FOXP2: variants seen among roughly 807,000 people sequenced by gnomAD.
The protein encoded by FOXP2 is forkhead box protein P2.
Under a neutral mutation model 115.8 loss-of-function variants are expected in FOXP2, and 12 were observed. That is an observed-to-expected ratio of 0.10 (90% CI 0.07 to 0.17). FOXP2 has a LOEUF of 0.17. Ranked by LOEUF, FOXP2 falls within the 10% of genes least tolerant of loss-of-function variation. FOXP2 has a pLI of 1.00. For missense variants in FOXP2, 629 were observed against 843.5 expected (o/e 0.75, Z 3.15); for synonymous variants, 328 against 297.7 (o/e 1.10, Z -1.05).
intron 2 of FOXP2, among the ~76,000 whole-genome samples, chr7:114,302,007 G>T (rs2129178455): frequency 6.6e-6 from 1 of 152,250 alleles, no homozygotes; most frequent in Middle Eastern, 3.4e-3. Context: ...AAGCAGAAAT[G>T]ATTAAAGATA....
At chr7:114,239,896 C>G (rs1795108588) in intron 1 of FOXP2, among the ~76,000 whole-genome samples, 1 of 152,082 alleles carries the variant, frequency 6.6e-6, no homozygotes, top group Non-Finnish European at 1.5e-5. Flanking sequence ...TTATGTCAAA[C>G]TTTTTATGTC....
chr7:114,402,937 T>C (rs1281019788), intron 2 of FOXP2, among the ~76,000 whole-genome samples: 1 of 152,102 alleles, frequency 6.6e-6, no homozygotes, highest in Non-Finnish European at 1.5e-5. Flanking sequence ...GGAGCTACCA[T>C]GCCCGACCAC....
At chr7:114,191,533 A>T (rs1274211715) in intron 1 of FOXP2, among the ~76,000 whole-genome samples, 1 of 152,212 alleles carries the variant, frequency 6.6e-6, no homozygotes, top group African/African-American at 2.4e-5. Flanking sequence ...ATATGGTATC[A>T]GTCTTTCCAC....
At chr7:114,314,161 CT>C (rs1474520360) in intron 2 of FOXP2, among the ~76,000 whole-genome samples, 1 of 151,384 alleles carries the variant, frequency 6.6e-6, no homozygotes, top group African/African-American at 2.4e-5. Flanking sequence ...TTTTTTCTTG[CT>C]ATGGAATATG....
chr7:114,297,676 G>T (rs1765640891), intron 2 of FOXP2, among the ~76,000 whole-genome samples: 1 of 152,128 alleles, frequency 6.6e-6, no homozygotes, highest in Admixed American at 6.5e-5. Flanking sequence ...TTTAGTTCTT[G>T]ACCATAACTT....
Position 114,642,516 on chromosome 7 carries a change from C to A in FOXP2, c.882C>A (p.Asn294Lys), listed in dbSNP as rs937208031. 1 of 1,613,922 alleles carries A rather than the reference C, an allele frequency of 6.2e-7. No homozygotes were observed. Among genetic ancestry groups the A allele is most frequent in the Non-Finnish European group, 8.5e-7 (1 of 1,179,958 alleles). Reference sequence around the variant, plus strand: ...ATGGAGGGCTAGACCTCACTACTAACAATTCCTCCTCGACTACCTCCTCCA... The same window carrying A: ...ATGGAGGGCTAGACCTCACTACTAAAAATTCCTCCTCGACTACCTCCTCCA... ...IKHGGLDLTT[N>K]NSSSTTSSNT... The change falls in exon 7 of 17, where the codon AAC becomes AAA. Residue 294 changes from asparagine to lysine, a missense_variant. By Grantham distance (94) the Asn-to-Lys change is moderately conservative (BLOSUM62 0). Transcript: ENST00000350908.
At chr7:114,421,614 T>C (rs188387014) in intron 1 of FOXP2, among the ~76,000 whole-genome samples, 5 of 151,802 alleles carry the variant, frequency 3.3e-5, no homozygotes, top group African/African-American at 9.6e-5. Flanking sequence ...TACTTAAAAT[T>C]ATGTCACTTG....
At chr7:114,158,100 C>A (rs1792717136), upstream of FOXP2, among the ~76,000 whole-genome samples, 1 of 151,866 alleles carries the variant, frequency 6.6e-6, no homozygotes, top group African/African-American at 2.4e-5. Context: ...GACAGCTGAG[C>A]AAAAGAGGAT....
At position 114,158,000 on chromosome 7, in the gene FOXP2, C is replaced by A. The variant is rs568175355; in HGVS notation, c.-246-4944C>A. On this transcript the variant is annotated intron_variant, in intron 1 of 19. Coordinates refer to the FOXP2 transcript ENST00000635638. The stretch of plus-strand genomic sequence containing the variant: ...ATATTTAAGAAAACAAACAAAAAGA[C>A]TTGGGATAGAACTGAAAATATATCA... 2.6e-5 allele frequency among the ~76,000 whole-genome samples: 4 copies of A among 152,028 alleles called. 1 individual carries two copies. The South Asian group carries it at 8.3e-4, about 32-fold the overall frequency.
chr7:114,604,795 C>T (rs1359175192), intron 3 of FOXP2, among the ~76,000 whole-genome samples: 3 of 152,078 alleles, frequency 2.0e-5, no homozygotes, highest in Non-Finnish European at 2.9e-5. Context: ...TTCCATAAAC[C>T]GTGATATGCA....
At chr7:114,355,556 G>C (rs1010174723) in intron 2 of FOXP2, among the ~76,000 whole-genome samples, 1 of 151,856 alleles carries the variant, frequency 6.6e-6, no homozygotes, top group African/African-American at 2.4e-5. Context: ...TTTTCAGACT[G>C]TCCGGAAGGC....
At chr7:114,171,557 G>A (rs1307811307) in intron 1 of FOXP2, among the ~76,000 whole-genome samples, 2 of 152,192 alleles carry the variant, frequency 1.3e-5, no homozygotes, top group Non-Finnish European at 2.9e-5. Flanking sequence ...TGGTGACAGA[G>A]TGAGACTGTC....
chr7:114,454,461 C>T lies in FOXP2; in HGVS notation c.168+27782C>T, dbSNP rs1237439632. Among the ~76,000 whole-genome samples the T allele has an allele frequency of 5.3e-5, 8 of 151,360 alleles. No individual in the cohort carries two copies. In the East Asian group the frequency reaches 5.9e-4, roughly 11 times the overall value. ...TCAACCATTGTGGAAGTCAGTGTGG[C>T]GATTCCTCAGGGATCTAGAACTAGA... On this transcript the variant is annotated intron_variant, in intron 2 of 16. Coordinates refer to ENST00000350908, the MANE Select transcript of FOXP2 (RefSeq NM_014491.4).
chr7:114,146,017 T>A (rs1792359998), intron 1 of FOXP2, among the ~76,000 whole-genome samples: 1 of 152,190 alleles, frequency 6.6e-6, no homozygotes, highest in Admixed American at 6.5e-5. Flanking sequence ...CACTGGGTAC[T>A]TTCTGTAGAG....
At chr7:114,515,214 G>A (rs374229120) in intron 2 of FOXP2, among the ~76,000 whole-genome samples, 3 of 148,948 alleles carry the variant, frequency 2.0e-5, no homozygotes, top group Admixed American at 6.7e-5. Context: ...ATGATTTATA[G>A]TCCTTTGGGT....
intron 2 of FOXP2, among the ~76,000 whole-genome samples, chr7:114,371,032 T>A (rs937538422): frequency 3.9e-5 from 6 of 152,184 alleles, no homozygotes; most frequent in African/African-American, 1.4e-4. Context: ...TGGTTATTTA[T>A]GATGTAAAAT....
intron 1 of FOXP2, among the ~76,000 whole-genome samples, chr7:114,251,987 G>A (rs893005078): frequency 2.0e-4 from 30 of 152,252 alleles, no homozygotes; most frequent in African/African-American, 7.2e-4. Context: ...TTTATTGAGC[G>A]TTTTTAGCAT....
At chr7:114,259,546 G>A (rs540655413) in intron 1 of FOXP2, among the ~76,000 whole-genome samples, 3 of 152,248 alleles carry the variant, frequency 2.0e-5, no homozygotes, top group South Asian at 2.1e-4. Context: ...CAGAGTATAC[G>A]ACAGTTTTTG....
intron 3 of FOXP2, among the ~76,000 whole-genome samples, chr7:114,554,250 AG>A (rs1800349737): frequency 6.6e-6 from 1 of 152,130 alleles, no homozygotes; most frequent in African/African-American, 2.4e-5. Context: ...CTTTCAGATT[AG>A]TGTGATATGA....
Sources: allele counts gnomAD v4.1 joint callset (sites outside exome capture counted in the v4.1 genomes callset), GRCh38; gene constraint gnomAD v4.1.1; transcripts MANE v1.5; gene names NCBI Gene and HGNC (gene_info 2026-07-23, HGNC 2026-07-21).